Variants in SPOCK1 observed in about 807,000 individuals in gnomAD.
The protein encoded by SPOCK1 is SPARC (osteonectin), cwcv and kazal like domains proteoglycan 1.
Under a neutral mutation model 55.3 loss-of-function variants are expected in SPOCK1, and 23 were observed. The ratio of observed to expected loss-of-function variants is 0.42; its 90% CI spans 0.30 to 0.59. The LOEUF (loss-of-function observed/expected upper bound fraction) is 0.59. SPOCK1 is among the 20% of genes least tolerant of loss of function. The pLI is 0.22. For synonymous variants in SPOCK1, 226 were observed against 221.0 expected (o/e 1.02, Z -0.20); for missense variants, 499 against 552.5 (o/e 0.90, Z 0.97).
intron 3 of SPOCK1, among the ~76,000 whole-genome samples, chr5:137,154,931 T>C (rs1325149419): frequency 6.6e-6 from 1 of 152,144 alleles, no homozygotes; most frequent in Admixed American, 6.5e-5. Context: ...CAAAGGAGAA[T>C]GAACTGTGGA....
At chr5:137,320,002 G>C (rs1757954825) in intron 2 of SPOCK1, among the ~76,000 whole-genome samples, 1 of 146,070 alleles carries the variant, frequency 6.8e-6, no homozygotes, top group South Asian at 2.2e-4. Context: ...GCCTTTATGA[G>C]AACTCCAGAA....
At chr5:137,172,962 C>A (rs766578886) in intron 3 of SPOCK1, among the ~76,000 whole-genome samples, 3 of 152,158 alleles carry the variant, frequency 2.0e-5, no homozygotes, top group Admixed American at 1.3e-4. Flanking sequence ...ACAAGTGATG[C>A]ACAGGGCCTG....
intron 5 of SPOCK1, among the ~76,000 whole-genome samples, chr5:137,087,432 T>A (rs939592108): frequency 2.6e-5 from 4 of 152,260 alleles, no homozygotes; most frequent in Non-Finnish European, 4.4e-5. Flanking sequence ...AGTAAAGTGC[T>A]TAGCACTGGG....
intron 3 of SPOCK1, among the ~76,000 whole-genome samples, chr5:137,160,532 A>ATAT (rs1754509889): frequency 3.4e-5 from 2 of 58,214 alleles, no homozygotes; most frequent in African/African-American, 1.3e-4. Flanking sequence ...TAATATATAA[A>ATAT]AATATATAAT....
At chr5:137,385,514 A>G (rs1242133699) in intron 2 of SPOCK1, among the ~76,000 whole-genome samples, 1 of 152,258 alleles carries the variant, frequency 6.6e-6, no homozygotes, top group Non-Finnish European at 1.5e-5. Context: ...CAAAACTAGA[A>G]TAATGATTCA....
At chr5:137,128,697 A>G (rs1046155897) in intron 4 of SPOCK1, among the ~76,000 whole-genome samples, 4 of 152,204 alleles carry the variant, frequency 2.6e-5, no homozygotes, top group Non-Finnish European at 5.9e-5. Flanking sequence ...GCATGTCCCA[A>G]TGGGTCTGAG....
At chr5:136,995,820 G>A (rs1751029544) in intron 6 of SPOCK1, among the ~76,000 whole-genome samples, 1 of 152,190 alleles carries the variant, frequency 6.6e-6, no homozygotes, top group Non-Finnish European at 1.5e-5. Flanking sequence ...AATCCTGAAA[G>A]AATGAATCTG....
chr5:137,043,494 G>A (rs1042714534), intron 6 of SPOCK1, among the ~76,000 whole-genome samples: 2 of 152,250 alleles, frequency 1.3e-5, no homozygotes, highest in South Asian at 4.2e-4. Flanking sequence ...GGGGTAAAAT[G>A]AGTACCTTTG....
rs77453391 is a variant in SPOCK1, at chr5:137,069,781, T to G, written c.475-1952A>C. Among the ~76,000 whole-genome samples, 114 of 152,368 alleles carry G rather than the reference T, an allele frequency of 7.5e-4. 1 individual carries two copies. Among genetic ancestry groups the G allele is most frequent in the African/African-American group, 2.3e-3 (95 of 41,604 alleles). ...TCAGACTAGTGGTTCTCTGGCTTATTAAAAGAATCCTTAAAGCTAATTTAG... is the reference window on the plus strand; with the variant it reads ...TCAGACTAGTGGTTCTCTGGCTTATGAAAAGAATCCTTAAAGCTAATTTAG... On this transcript the variant is annotated intron_variant, in intron 5 of 10. Coordinates refer to ENST00000394945, the MANE Select transcript of SPOCK1 (RefSeq NM_004598.4).
chr5:137,490,585 T>C (rs1261898697), intron 2 of SPOCK1, among the ~76,000 whole-genome samples: 1 of 152,150 alleles, frequency 6.6e-6, no homozygotes, highest in East Asian at 1.9e-4. Flanking sequence ...AGTTTCTACC[T>C]CTTGAGGTGA....
chr5:137,499,237 C>T lies in SPOCK1; in HGVS notation c.-59G>A, dbSNP rs1754388279. On this transcript the variant is annotated 5_prime_UTR_variant, in exon 1 of 11. Coordinates refer to ENST00000394945, the MANE Select transcript of SPOCK1 (RefSeq NM_004598.4). ...TGCTCGAGCTCCCGCGGCACGGTCG[C>T]CGGGAAGGCTGATCGCCGGCTCGCG... 6.6e-6 allele frequency: 1 copy of T among 152,114 alleles called. No homozygotes were observed. Among genetic ancestry groups the T allele is most frequent in the African/African-American group, 2.4e-5 (1 of 41,444 alleles). 9.4% of individuals were successfully genotyped at this position (152,114 alleles called of 1,614,324 possible). A position where few individuals can be genotyped will look rare whatever the true frequency, so the allele number is the denominator to read the frequency against.
At chr5:137,451,097 C>A (rs71589362) in intron 2 of SPOCK1, among the ~76,000 whole-genome samples, 5 of 152,148 alleles carry the variant, frequency 3.3e-5, no homozygotes, top group Admixed American at 2.6e-4. Flanking sequence ...TAGGAACAGA[C>A]CCACCCTACC....
At chr5:137,299,461 T>C (rs983386694) in intron 2 of SPOCK1, among the ~76,000 whole-genome samples, 4 of 151,868 alleles carry the variant, frequency 2.6e-5, no homozygotes, top group African/African-American at 9.7e-5. Flanking sequence ...TATATTTATA[T>C]ATAAATTTAT....
chr5:137,005,107 A>C (rs1751221371), intron 6 of SPOCK1, among the ~76,000 whole-genome samples: 1 of 152,164 alleles, frequency 6.6e-6, no homozygotes, highest in African/African-American at 2.4e-5. Context: ...CTGATAAGAG[A>C]AACCCTCTTA....
chr5:137,437,439 A>G (rs1298138518), intron 2 of SPOCK1, among the ~76,000 whole-genome samples: 1 of 152,258 alleles, frequency 6.6e-6, no homozygotes, highest in Non-Finnish European at 1.5e-5. Flanking sequence ...ATACCATACA[A>G]TTCACCCAAT....
chr5:137,427,629 GCTGGGCACGATGGCTCACAC>G (rs1752660641), intron 2 of SPOCK1, among the ~76,000 whole-genome samples: 1 of 152,180 alleles, frequency 6.6e-6, no homozygotes, highest in Admixed American at 6.5e-5. Context: ...GCAGTAACTG[GCTGGGCACGATGGCTCACAC>G]CTGTAATCCC....
intron 5 of SPOCK1, among the ~76,000 whole-genome samples, chr5:137,096,398 G>A (rs1225834275): frequency 2.6e-5 from 4 of 152,162 alleles, no homozygotes; most frequent in Non-Finnish European, 5.9e-5. Context: ...CACCAATGGG[G>A]TCAGTTATGG....
intron 3 of SPOCK1, among the ~76,000 whole-genome samples, chr5:137,241,913 T>C (rs1242580328): frequency 6.6e-6 from 1 of 152,204 alleles, no homozygotes; most frequent in Non-Finnish European, 1.5e-5. Flanking sequence ...GCAGCTCCTC[T>C]TCTGGGAATT....
At chr5:137,432,187 A>G (rs1362533589) in intron 2 of SPOCK1, among the ~76,000 whole-genome samples, 1 of 152,184 alleles carries the variant, frequency 6.6e-6, no homozygotes, top group Admixed American at 6.5e-5. Context: ...CTATGGAAAA[A>G]CAGCACTGAG....
Sources: gnomAD v4.1 joint callset for allele counts (sites outside exome capture counted in the v4.1 genomes callset) on GRCh38, gnomAD v4.1.1 for gene constraint, MANE v1.5 for transcripts, NCBI Gene and HGNC (gene_info 2026-07-23, HGNC 2026-07-21) for gene names.